Variants in ANK1 observed in about 807,000 individuals in gnomAD.
ANK1 encodes the protein ankyrin-1.
In ANK1, 51 loss-of-function variants were observed where a neutral mutation model predicts 210.4. The ratio of observed to expected loss-of-function variants is 0.24; its 90% CI spans 0.19 to 0.31. The LOEUF (loss-of-function observed/expected upper bound fraction) is 0.31. Ranked by LOEUF, ANK1 falls within the 10% of genes least tolerant of loss-of-function variation. ANK1 has a pLI of 1.00. For missense variants in ANK1, 2,051 were observed against 2,504.4 expected (o/e 0.82, Z 3.86); for synonymous variants, 967 against 1,025.9 (o/e 0.94, Z 1.10).
At chr8:41,851,778 G>C (rs1356979414) in intron 1 of ANK1, among the ~76,000 whole-genome samples, 2 of 152,174 alleles carry the variant, frequency 1.3e-5, no homozygotes. Context: ...GATCACTTGA[G>C]CCCAGGAGGT....
chr8:41,683,902 A>C (rs1013773862), intron 37 of ANK1, among the ~76,000 whole-genome samples: 20 of 152,138 alleles, frequency 1.3e-4, no homozygotes, highest in Admixed American at 2.6e-4. Context: ...GCTGGATCTC[A>C]CGGGGGATCC....
intron 1 of ANK1, among the ~76,000 whole-genome samples, chr8:41,883,715 C>G (rs1817983948): frequency 6.6e-6 from 1 of 152,176 alleles, no homozygotes; most frequent in Admixed American, 6.5e-5. Context: ...CCACCTCAGC[C>G]ACCCAAAGAG....
chr8:41,663,735 T>G lies in ANK1; in HGVS notation c.5402A>C (p.Glu1801Ala), dbSNP rs917718228. ...NTFTQVVQGNEFQNIPGEQVT... is the reference protein window; with the variant it reads ...NTFTQVVQGNAFQNIPGEQVT... ...CTGCTCCCCTGGAATATTCTGAAAC[T>G]CATTCCCCTGGAATTAGAGAAAGGG... Residue 1801 changes from glutamate to alanine, a missense_variant, in exon 40 of 43, where the codon GAG becomes GCG. Physicochemically the swap from Glu to Ala is moderately radical, Grantham distance 107. Transcript: ENST00000289734. The G allele has an allele frequency of 1.2e-6, 2 of 1,613,396 alleles. No homozygotes were observed. The highest frequency in any genetic ancestry group is 1.7e-4 in the Middle Eastern group (1 of 6,058).
At chr8:41,859,946 C>A (rs116921097) in intron 1 of ANK1, among the ~76,000 whole-genome samples, 64 of 151,938 alleles carry the variant, frequency 4.2e-4, no homozygotes, top group Non-Finnish European at 2.8e-4. Context: ...TCTCTGTTGA[C>A]CTCTGCCACC....
At chr8:41,696,284 C>T in intron 26 of ANK1, 79 bp downstream of exon 26, 2 of 1,498,074 alleles carry the variant, frequency 1.3e-6, no homozygotes, top group Non-Finnish European at 1.9e-6. Context: ...GTTCTGTTTC[C>T]CCATCAGGAC....
At chr8:41,766,026 T>C (rs992478198) in intron 1 of ANK1, among the ~76,000 whole-genome samples, 1 of 152,176 alleles carries the variant, frequency 6.6e-6, no homozygotes, top group African/African-American at 2.4e-5. Flanking sequence ...AATTCCTATC[T>C]AGAAAGGCGA....
At chr8:41,896,604 C>G in exon 1 of ANK1, 1 of 1,278,294 alleles carries the variant, frequency 7.8e-7, no homozygotes, top group East Asian at 3.3e-5. Context: ...TTCGTGGCGC[C>G]CCGAGGGCCG....
chr8:41,713,916 G>A (rs900576638), intron 16 of ANK1, among the ~76,000 whole-genome samples: 2 of 152,176 alleles, frequency 1.3e-5, no homozygotes, highest in Non-Finnish European at 2.9e-5. Flanking sequence ...AACAAGTTCC[G>A]CCTCTGCGAG....
At chr8:41,845,414 G>C (rs1809829463) in intron 1 of ANK1, among the ~76,000 whole-genome samples, 2 of 151,692 alleles carry the variant, frequency 1.3e-5, no homozygotes, top group African/African-American at 4.8e-5. Context: ...AAAAAAAGAT[G>C]TGAATTCCTG....
At chr8:41,889,668 G>A (rs1054822628) in intron 1 of ANK1, among the ~76,000 whole-genome samples, 10 of 152,154 alleles carry the variant, frequency 6.6e-5, no homozygotes, top group African/African-American at 1.7e-4. Context: ...GAGAGTCTCC[G>A]CCAGAGGAAT....
intron 14 of ANK1, 42 bp downstream of exon 14, chr8:41,715,610 T>C (rs1442495106): frequency 1.2e-5 from 19 of 1,608,068 alleles, no homozygotes; most frequent in Non-Finnish European, 1.6e-5. Context: ...CCTGGCTGAG[T>C]GAGCCTGTTG....
chr8:41,667,250 C>T (rs1028939183), intron 39 of ANK1, among the ~76,000 whole-genome samples: 7 of 152,124 alleles, frequency 4.6e-5, no homozygotes, highest in Admixed American at 6.5e-5. Context: ...CAGCTCAGGG[C>T]CTTCCTTCCA....
In ANK1 at chr8:41,841,697, GT is replaced by G. The variant is rs910752536; in HGVS notation, c.126+54657del. 7.3e-5 allele frequency among the ~76,000 whole-genome samples: 11 copies of G among 151,660 alleles called. No homozygotes were observed. The South Asian group carries it at 8.4e-4, about 12-fold the overall frequency. On this transcript the variant is annotated intron_variant, in intron 1 of 42. Coordinates refer to the ANK1 transcript ENST00000265709. ...ATGTATACATCCAATACACACAGGG[GT>G]TTTTTTTTGTATATCAATTACATAT...
Position 41,779,124 on chromosome 8 carries a change from T to C in ANK1, c.27+18388A>G, listed in dbSNP as rs1187759447. Among the ~76,000 whole-genome samples the C allele has an allele frequency of 2.0e-5, 3 of 152,112 alleles. No homozygotes were observed. In the East Asian group the frequency reaches 5.8e-4, roughly 29 times the overall value. On this transcript the variant is annotated intron_variant, in intron 1 of 42. Transcript: ENST00000289734. ...GGGATAAGGCAGCAGCACCTGGACA[T>C]GCCCAGGCTGTGACAGGTAAGCTCC...
At chr8:41,661,724 G>T in intron 41 of ANK1, 152 bp downstream of exon 41, 1 of 1,600,172 alleles carries the variant, frequency 6.2e-7, no homozygotes, top group Non-Finnish European at 8.5e-7. Context: ...GTGGAGGGAG[G>T]TGTCATGCAG....
chr8:41,740,594 G>A (rs1834545053), intron 2 of ANK1, among the ~76,000 whole-genome samples: 1 of 151,968 alleles, frequency 6.6e-6, no homozygotes, highest in African/African-American at 2.4e-5. Context: ...CCCTCCCCTG[G>A]CTGAGGCAGT....
At chr8:41,749,588 G>T (rs1221510950) in intron 2 of ANK1, among the ~76,000 whole-genome samples, 1 of 141,686 alleles carries the variant, frequency 7.1e-6, no homozygotes, top group Non-Finnish European at 1.5e-5. Context: ...ATGAGCTACT[G>T]CGCCTGGCCT....
upstream of ANK1, among the ~76,000 whole-genome samples, chr8:41,798,243 C>G (rs1208205526): frequency 6.6e-6 from 1 of 152,080 alleles, no homozygotes; most frequent in Non-Finnish European, 1.5e-5. Context: ...CGGGGAGCCT[C>G]CCGAAGCGCG....
chr8:41,687,983 C>T (rs888734080), intron 35 of ANK1, among the ~76,000 whole-genome samples, 173 bp downstream of exon 35: 2 of 152,040 alleles, frequency 1.3e-5, no homozygotes, highest in Non-Finnish European at 2.9e-5. Context: ...GCTCCCCCTT[C>T]ATGGGCAGCC....
Sources: gnomAD v4.1 joint callset for allele counts (sites outside exome capture counted in the v4.1 genomes callset) on GRCh38, gnomAD v4.1.1 for gene constraint, MANE v1.5 for transcripts, NCBI Gene and HGNC (gene_info 2026-07-23, HGNC 2026-07-21) for gene names.